ERO1B: variants seen among roughly 807,000 people sequenced by gnomAD.
ERO1B encodes the protein ERO1-like protein beta.
A neutral mutation model predicts 75.3 loss-of-function variants in ERO1B; 49 were observed. The ratio of observed to expected loss-of-function variants is 0.65; its 90% CI spans 0.52 to 0.83. The LOEUF (loss-of-function observed/expected upper bound fraction) is 0.83, where lower values mean the gene tolerates loss of function less well. Ranked by LOEUF, ERO1B falls within the 40% of genes least tolerant of loss-of-function variation. The pLI is 0.00. For missense variants in ERO1B, 512 were observed against 560.1 expected (o/e 0.91, Z 0.87); for synonymous variants, 191 against 192.9 (o/e 0.99, Z 0.08).
intron 10 of ERO1B, among the ~76,000 whole-genome samples, chr1:236,227,277 T>C (rs1572032694): frequency 6.6e-6 from 1 of 152,268 alleles, no homozygotes; most frequent in African/African-American, 2.4e-5. Context: ...GAACAACAAG[T>C]TGACTGTTTA....
rs2102950398 is a variant in ERO1B at position 236,243,502 on chromosome 1, G to A, written c.432-7C>T. Reference sequence around the variant, plus strand: ...AGCTTCTTTGCTTTGATTACTATGGGAAGGAGGAATAAAAAAGAAAAATTA... The same window carrying A: ...AGCTTCTTTGCTTTGATTACTATGGAAAGGAGGAATAAAAAAGAAAAATTA... On this transcript the variant is annotated splice_polypyrimidine_tract_variant and splice_region_variant and intron_variant, in intron 5 of 15. Coordinates refer to ENST00000354619, the MANE Select transcript of ERO1B (RefSeq NM_019891.4). The A allele has an allele frequency of 6.3e-7, 1 of 1,585,764 alleles. No homozygotes were observed. The highest frequency in any genetic ancestry group is 2.3e-5 in the East Asian group (1 of 44,118).
intron 2 of ERO1B, among the ~76,000 whole-genome samples, chr1:236,266,825 T>C (rs1180094661): frequency 1.3e-5 from 2 of 152,184 alleles, no homozygotes; most frequent in African/African-American, 4.8e-5. Context: ...AACTAGATCA[T>C]GGCATTAACC....
intron 2 of ERO1B, among the ~76,000 whole-genome samples, chr1:236,253,857 A>G (rs1665098514): frequency 6.6e-6 from 1 of 152,232 alleles, no homozygotes; most frequent in African/African-American, 2.4e-5. Context: ...TGGACAGAAA[A>G]AGAACTCCCC....
chr1:236,249,073 T>G (rs1241066960), intron 5 of ERO1B, among the ~76,000 whole-genome samples: 1 of 150,970 alleles, frequency 6.6e-6, no homozygotes, highest in East Asian at 1.9e-4. Flanking sequence ...TCACCCAGGT[T>G]AGAGTGCAAC....
chr1:236,220,832 C>T lies in ERO1B; in HGVS notation c.1343G>A (p.Arg448Lys). ...ATCTTCAACATATAATGGTTCTTAC[C>T]TTCCAAAAGCATTTAAAAGAGCAAC... ...EIVALLNAFG[R>K]LSTSIRDLQN... Residue 448 changes from arginine (R) to lysine (K), a missense_variant and splice_region_variant, in exon 15 of 16, where the codon AGG becomes AAG. Arg to Lys is a conservative substitution (Grantham distance 26, BLOSUM62 2). Transcript: ENST00000354619. 1 of 1,577,268 alleles carries T rather than the reference C, an allele frequency of 6.3e-7. No individual in the cohort carries two copies. The highest frequency in any genetic ancestry group is 8.6e-7 in the Non-Finnish European group (1 of 1,166,712).
At chr1:236,260,311 C>A (rs558011274) in intron 2 of ERO1B, among the ~76,000 whole-genome samples, 1 of 152,222 alleles carries the variant, frequency 6.6e-6, no homozygotes, top group African/African-American at 2.4e-5. Context: ...TCATGAAAAT[C>A]TGAATAGGCC....
chr1:236,270,366 T>G (rs1326803217), intron 1 of ERO1B, among the ~76,000 whole-genome samples: 1 of 152,200 alleles, frequency 6.6e-6, no homozygotes, highest in Non-Finnish European at 1.5e-5. Flanking sequence ...TATCTTTCCT[T>G]TAGGTGGCCA....
At position 236,226,692 on chromosome 1, in the gene ERO1B, G is replaced by A; in HGVS notation, c.760C>T (p.His254Tyr). 1.2e-6 allele frequency: 2 copies of A among 1,612,962 alleles called. No individual in the cohort carries two copies. The highest frequency in any genetic ancestry group is 8.5e-7 in the Non-Finnish European group (1 of 1,179,748). ...CATAGATGTAAATTGATGCTAGCAT[G>A]AAGTCCCGATATAAGCTTATAGAAG... ...RVFYKLISGL[H>Y]ASINLHLCAN... is the part of the protein sequence containing the mutation. Residue 254 changes from histidine to tyrosine, a missense_variant, in exon 11 of 16, where the codon CAT becomes TAT. Coordinates refer to ENST00000354619, the MANE Select transcript of ERO1B (RefSeq NM_019891.4).
In ERO1B at chr1:236,215,422, C is replaced by T. The variant is rs1663945269; in HGVS notation, c.*3094G>A. ...GCCCTTAATACAATGCCAGCCAATGCTTGCCATTATGATAAGAAACAACCT... is the reference window on the plus strand; with the variant it reads ...GCCCTTAATACAATGCCAGCCAATGTTTGCCATTATGATAAGAAACAACCT... On this transcript the variant is annotated 3_prime_UTR_variant, in exon 16 of 16. Coordinates refer to ENST00000354619, the MANE Select transcript of ERO1B (RefSeq NM_019891.4). 6.6e-6 allele frequency: 1 copy of T among 152,156 alleles called. No individual in the cohort carries two copies. The highest frequency in any genetic ancestry group is 2.4e-5 in the African/African-American group (1 of 41,440). The allele number at this position is 152,156 out of a possible 1,614,324, so 9.4% of individuals were successfully genotyped here.
At chr1:236,224,371 C>T (rs1014271341) in intron 13 of ERO1B, among the ~76,000 whole-genome samples, 2 of 151,608 alleles carry the variant, frequency 1.3e-5, no homozygotes, top group Admixed American at 6.6e-5. Flanking sequence ...ATCCTAGGTA[C>T]TTGGGAGGCT....
chr1:236,265,452 G>A (rs76948631), intron 2 of ERO1B, among the ~76,000 whole-genome samples: 1 of 152,102 alleles, frequency 6.6e-6, no homozygotes, highest in African/African-American at 2.4e-5. Flanking sequence ...TATATCATAC[G>A]TCACACTCAA....
chr1:236,272,463 G>GA (rs1558523302), intron 1 of ERO1B, among the ~76,000 whole-genome samples: 2 of 152,088 alleles, frequency 1.3e-5, no homozygotes, highest in African/African-American at 2.4e-5. Context: ...TGCAAAAGCA[G>GA]AAAATCAAAT....
intron 9 of ERO1B, among the ~76,000 whole-genome samples, chr1:236,230,791 A>C (rs1298254075): frequency 6.6e-6 from 1 of 152,022 alleles, no homozygotes; most frequent in African/African-American, 2.4e-5. Context: ...TTTTTTAAGA[A>C]AACATTTCAG....
chr1:236,279,667 GAAA>G (rs61064721), intron 1 of ERO1B, among the ~76,000 whole-genome samples: 4 of 64,450 alleles, frequency 6.2e-5, no homozygotes, highest in Admixed American at 1.9e-4. Flanking sequence ...TGTCTACTGG[GAAA>G]AAAAAAAAAA....
At position 236,269,935 on chromosome 1, in the gene ERO1B, G is replaced by A. The variant is rs759768145; in HGVS notation, c.162C>T (p.Thr54=). The part of the protein sequence containing the change: ...CDIDSIDNFN[T]YKIFPKIKKL... ...TTTTTATTTTGGGGAAGATTTTGTA[G>A]GTATTGAAGTTATCGATGCTGTCAA... Residue 54 remains threonine, a synonymous_variant, in exon 2 of 16, where the codon ACC becomes ACT. Coordinates refer to ENST00000354619, the MANE Select transcript of ERO1B (RefSeq NM_019891.4). The A allele has an allele frequency of 2.5e-6, 4 of 1,603,974 alleles. No individual in the cohort carries two copies. The highest frequency in any genetic ancestry group is 3.4e-6 in the Non-Finnish European group (4 of 1,171,156).
chr1:236,278,489 C>T (rs1013453377), intron 1 of ERO1B, among the ~76,000 whole-genome samples: 2 of 152,012 alleles, frequency 1.3e-5, no homozygotes, highest in Admixed American at 6.5e-5. Context: ...TTGCCCACTC[C>T]ACTCCATGCA....
intron 5 of ERO1B, among the ~76,000 whole-genome samples, chr1:236,247,538 C>A (rs933826748): frequency 6.6e-6 from 1 of 152,176 alleles, no homozygotes; most frequent in Non-Finnish European, 1.5e-5. Flanking sequence ...ATTTGGATTA[C>A]TACGATAATC....
chr1:236,235,927 A>G (rs1421501520), intron 7 of ERO1B, 92 bp from the exon 8 acceptor site: 2 of 1,074,932 alleles, frequency 1.9e-6, no homozygotes, highest in Non-Finnish European at 1.3e-6. Flanking sequence ...TCCCCTCCCC[A>G]CCCTCTTTTT....
chr1:236,259,643 AG>A (rs1369339052), intron 2 of ERO1B, among the ~76,000 whole-genome samples: 2 of 152,194 alleles, frequency 1.3e-5, no homozygotes, highest in Non-Finnish European at 2.9e-5. Flanking sequence ...GAGATAAAGA[AG>A]GTCATTTAAA....
Sources: gnomAD v4.1 joint callset for allele counts (sites outside exome capture counted in the v4.1 genomes callset) on GRCh38, gnomAD v4.1.1 for gene constraint, MANE v1.5 for transcripts, NCBI Gene and HGNC (gene_info 2026-07-23, HGNC 2026-07-21) for gene names.